RIN2: variants seen among roughly 807,000 people sequenced by gnomAD.
The protein encoded by RIN2 is Ras and Rab interactor 2, also known as RAB5 interacting protein 2.
Under a neutral mutation model 78.0 loss-of-function variants are expected in RIN2, and 36 were observed. The ratio of observed to expected loss-of-function variants is 0.46; its 90% confidence interval spans 0.35 to 0.61. The LOEUF (loss-of-function observed/expected upper bound fraction) is 0.61, where lower values mean the gene tolerates loss of function less well. RIN2 is among the 20% of genes least tolerant of loss of function. RIN2 has a pLI of 0.00. For synonymous variants in RIN2, 466 were observed against 466.8 expected (o/e 1.00, Z 0.02); for missense variants, 1,087 against 1,159.7 (o/e 0.94, Z 0.91).
chr20:19,806,326 C>G (rs926732047), intron 2 of RIN2, among the ~76,000 whole-genome samples: 4 of 152,208 alleles, frequency 2.6e-5, no homozygotes, highest in African/African-American at 9.6e-5. Flanking sequence ...AACTAGTTTA[C>G]ACTCCCACCA....
chr20:19,916,038 G>A (rs1417821401), intron 3 of RIN2, among the ~76,000 whole-genome samples: 3 of 152,112 alleles, frequency 2.0e-5, no homozygotes, highest in East Asian at 3.9e-4. Context: ...TCAAGAGACC[G>A]AGACCATCCT....
At chr20:19,916,132 C>T (rs959912438) in intron 3 of RIN2, among the ~76,000 whole-genome samples, 2 of 152,068 alleles carry the variant, frequency 1.3e-5, no homozygotes, top group Admixed American at 6.6e-5. Context: ...CCCAGCTACT[C>T]GGGAGGCTGA....
At chr20:19,956,254 T>C (rs1386332169) in intron 4 of RIN2, among the ~76,000 whole-genome samples, 15 of 73,444 alleles carry the variant, frequency 2.0e-4, no homozygotes, top group African/African-American at 6.8e-4. Context: ...TAAGACTCCA[T>C]CTCAAAAAAA....
intron 2 of RIN2, among the ~76,000 whole-genome samples, chr20:19,809,861 A>T (rs1387883479): frequency 6.6e-6 from 1 of 152,186 alleles, no homozygotes; most frequent in Non-Finnish European, 1.5e-5. Flanking sequence ...AAGATGGCCC[A>T]AGACCTGGCC....
At chr20:19,884,970 C>A (rs1191867767) in intron 2 of RIN2, among the ~76,000 whole-genome samples, 1 of 152,146 alleles carries the variant, frequency 6.6e-6, no homozygotes, top group Admixed American at 6.5e-5. Context: ...AAAATAATTA[C>A]AATAACGAGG....
intron 2 of RIN2, among the ~76,000 whole-genome samples, chr20:19,814,285 G>C (rs6136843): frequency 0.072 from 10,959 of 152,234 alleles, 430 homozygotes; most frequent in South Asian, 0.1. Context: ...CAATCCAGCC[G>C]CTTGCCTGGG....
At chr20:19,961,416 A>G (rs1318081327) in intron 6 of RIN2, among the ~76,000 whole-genome samples, 1 of 152,178 alleles carries the variant, frequency 6.6e-6, no homozygotes, top group Admixed American at 6.5e-5. Context: ...TCGGGAGGCC[A>G]AATTTTAAAT....
chr20:19,764,918 G>GTTTTTCTTTTTTTTTTTTTT (rs2033806045), intron 1 of RIN2, among the ~76,000 whole-genome samples: 1 of 50,362 alleles, frequency 2.0e-5, no homozygotes, highest in Non-Finnish European at 3.6e-5. Context: ...CACTTTCTGC[G>GTTTTTCTTTTTTTTTTTTTT]TTTTTTTTTT....
intron 1 of RIN2, among the ~76,000 whole-genome samples, chr20:19,780,545 C>T (rs932592225): frequency 1.3e-5 from 2 of 152,108 alleles, no homozygotes; most frequent in African/African-American, 2.4e-5. Context: ...AAGGGTCTCA[C>T]CATGAGTCCA....
chr20:19,920,295 CAA>C (rs34086663), intron 3 of RIN2, among the ~76,000 whole-genome samples: 25 of 95,322 alleles, frequency 2.6e-4, no homozygotes, highest in Non-Finnish European at 2.5e-4. Context: ...GACTCTGTCT[CAA>C]AAAAAAAAAA....
chr20:19,789,359 G>C (rs148158374), intron 1 of RIN2, among the ~76,000 whole-genome samples: 2 of 152,160 alleles, frequency 1.3e-5, no homozygotes, highest in Admixed American at 6.5e-5. Context: ...TGGGATATGC[G>C]AAGATTTTTT....
chr20:19,893,945 G>T (rs574950120), intron 3 of RIN2, among the ~76,000 whole-genome samples: 1 of 152,082 alleles, frequency 6.6e-6, no homozygotes, highest in Non-Finnish European at 1.5e-5. Context: ...GATGATGGGC[G>T]CCTGTATTCC....
intron 1 of RIN2, among the ~76,000 whole-genome samples, chr20:19,767,193 T>G (rs1481540253): frequency 6.6e-6 from 1 of 152,172 alleles, no homozygotes; most frequent in East Asian, 1.9e-4. Flanking sequence ...GAAATGTGAC[T>G]GGACAAACAG....
At chr20:19,770,785 T>C (rs1257130947) in intron 1 of RIN2, among the ~76,000 whole-genome samples, 1 of 152,000 alleles carries the variant, frequency 6.6e-6, no homozygotes, top group East Asian at 1.9e-4. Context: ...GTGGGGTTTT[T>C]CCCCACACAC....
At chr20:19,889,907 G>A (rs538870831) in intron 3 of RIN2, among the ~76,000 whole-genome samples, 36 of 152,280 alleles carry the variant, frequency 2.4e-4, no homozygotes, top group Non-Finnish European at 4.9e-4. Context: ...GACGGCTGAG[G>A]CTGTCTTTAT....
In RIN2 at chr20:20,001,087, G is replaced by A. The variant is rs2043130191; in HGVS notation, c.*151G>A. The A allele has an allele frequency of 1.5e-6, 1 of 661,284 alleles. No individual in the cohort carries two copies. Among genetic ancestry groups the A allele is most frequent in the Admixed American group, 3.0e-5 (1 of 33,882 alleles). The allele number at this position is 661,284 out of a possible 1,614,324, so 41.0% of individuals were successfully genotyped here. A position where few individuals can be genotyped will look rare whatever the true frequency, so the allele number is the denominator to read the frequency against. On this transcript the variant is annotated 3_prime_UTR_variant, in exon 13 of 13. Transcript: ENST00000255006. ...CATCCACAGGCCAACTCGGCCAAGG[G>A]CAACTTTAGCCACGCAAGGTAGCTG...
chr20:19,868,848 A>AG (rs751181380), intron 2 of RIN2, among the ~76,000 whole-genome samples: 41 of 152,250 alleles, frequency 2.7e-4, no homozygotes, highest in Middle Eastern at 3.4e-3. Context: ...TGAGAGGCCA[A>AG]GGGGGGTGGA....
At position 19,993,356 on chromosome 20, in the gene RIN2, C is replaced by T. The variant is rs561015169; in HGVS notation, c.2200+1057C>T. 5.8e-4 allele frequency among the ~76,000 whole-genome samples: 88 copies of T among 152,020 alleles called. 1 individual carries two copies. The South Asian group carries it at 0.017, about 30-fold the overall frequency. On this transcript the variant is annotated intron_variant, in intron 11 of 12. Coordinates refer to ENST00000255006, the MANE Select transcript of RIN2 (RefSeq NM_018993.4). Reference sequence around the variant, plus strand: ...CAGGATTCCCTAAGGAATGAGTCATCCCAGCATTTTCCCTGGAGGGAATGA... The same window carrying T: ...CAGGATTCCCTAAGGAATGAGTCATTCCAGCATTTTCCCTGGAGGGAATGA...
chr20:19,850,141 G>A (rs1193389332), intron 2 of RIN2, among the ~76,000 whole-genome samples: 1 of 152,074 alleles, frequency 6.6e-6, no homozygotes, highest in African/African-American at 2.4e-5. Context: ...ATTAACATTT[G>A]GTTAATCTAA....
Sources: allele counts gnomAD v4.1 joint callset (sites outside exome capture counted in the v4.1 genomes callset), GRCh38; gene constraint gnomAD v4.1.1; transcripts MANE v1.5; gene names NCBI Gene and HGNC (gene_info 2026-07-23, HGNC 2026-07-21).